Variants in VPS54 observed in about 807,000 individuals in gnomAD.
The protein encoded by VPS54 is vacuolar protein sorting-associated protein 54.
In VPS54, 45 loss-of-function variants were observed where a neutral mutation model predicts 121.5. The observed-to-expected ratio is 0.37, with a 90% CI of 0.29 to 0.47. The LOEUF (loss-of-function observed/expected upper bound fraction) is 0.47. VPS54 is among the 20% of genes least tolerant of loss of function. VPS54 has a pLI of 0.99. For missense variants in VPS54, 1,090 were observed against 1,131.4 expected (o/e 0.96, Z 0.52); for synonymous variants, 371 against 385.8 (o/e 0.96, Z 0.45).
At chr2:63,988,738 T>C (rs1677171980) in intron 1 of VPS54, among the ~76,000 whole-genome samples, 1 of 152,168 alleles carries the variant, frequency 6.6e-6, no homozygotes, top group Non-Finnish European at 1.5e-5. Context: ...CTGTGATGAT[T>C]GCGTTAACTG....
At chr2:63,900,666 C>G (rs1284271956) in intron 20 of VPS54, among the ~76,000 whole-genome samples, 1 of 152,192 alleles carries the variant, frequency 6.6e-6, no homozygotes, top group African/African-American at 2.4e-5. Flanking sequence ...TCCCGAGCTG[C>G]CCACCTGAGG....
rs373745700 is a variant in VPS54, at chr2:64,005,199, G to C, written c.-21+13739C>G. On this transcript the variant is annotated intron_variant, in intron 1 of 22. Transcript: ENST00000272322. ...GCTCACTGCAAGCTCCGCCTCCCAG[G>C]TTCACGCCATTCTCCTGCCTCAGCC... is the stretch of plus-strand genomic sequence containing the variant. Among the ~76,000 whole-genome samples, 1,251 of 134,836 alleles carry C rather than the reference G, an allele frequency of 9.3e-3. 30 individuals carry two copies. The highest frequency in any genetic ancestry group is 0.034 in the African/African-American group (1,208 of 35,458). 88.5% of individuals were successfully genotyped at this position (134,836 alleles called of 152,430 possible).
At chr2:63,913,424 G>A (rs1673239661) in intron 17 of VPS54, 114 bp from the exon 18 acceptor site, 1 of 617,122 alleles carries the variant, frequency 1.6e-6, no homozygotes, top group African/African-American at 1.9e-5. Context: ...ATGGCCAAAT[G>A]AATTATCTAG....
At position 63,972,171 on chromosome 2, in the gene VPS54, G is replaced by C; in HGVS notation, c.452C>G (p.Thr151Ser). The change falls in exon 4 of 23, where the codon ACT (threonine) becomes AGT (serine). Residue 151 changes from threonine to serine, a missense_variant. Transcript: ENST00000272322. ...TAAATAACACATATTCATACCATGA[G>C]TATGTAAAAGAGTCCTTTCGAAGGT... ...KDTFERTLLHTHDKSRTDLEQ... is the reference protein window; with the variant it reads ...KDTFERTLLHSHDKSRTDLEQ... The C allele has an allele frequency of 6.4e-7, 1 of 1,564,884 alleles. No homozygotes were observed. Among genetic ancestry groups the C allele is most frequent in the Non-Finnish European group, 8.7e-7 (1 of 1,144,972 alleles).
chr2:63,929,262 G>A (rs185658637), intron 12 of VPS54, among the ~76,000 whole-genome samples: 114 of 152,126 alleles, frequency 7.5e-4, no homozygotes, highest in African/African-American at 2.3e-3. Context: ...CACATAACTC[G>A]AACTAAAGCA....
intron 1 of VPS54, among the ~76,000 whole-genome samples, chr2:63,990,097 A>G (rs1350172757): frequency 1.3e-5 from 2 of 151,874 alleles, no homozygotes; most frequent in African/African-American, 4.8e-5. Flanking sequence ...CAATCCCGTG[A>G]CCCCCTACAG....
chr2:63,985,438 T>C (rs1200526042), intron 1 of VPS54, among the ~76,000 whole-genome samples: 1 of 152,146 alleles, frequency 6.6e-6, no homozygotes, highest in Non-Finnish European at 1.5e-5. Context: ...TATGTATCTG[T>C]CTCAGTACTT....
chr2:63,982,162 T>A (rs906724449), intron 2 of VPS54, among the ~76,000 whole-genome samples: 1 of 152,062 alleles, frequency 6.6e-6, no homozygotes, highest in African/African-American at 2.4e-5. Context: ...AAGTCTTTCA[T>A]GAACTCCTTT....
At chr2:63,925,834 A>C (rs879300182) in intron 12 of VPS54, among the ~76,000 whole-genome samples, 2 of 152,248 alleles carry the variant, frequency 1.3e-5, no homozygotes, top group Non-Finnish European at 2.9e-5. Context: ...GTAGTATTAC[A>C]GCAGCAAGAG....
chr2:63,910,176 G>T (rs1483374392), intron 20 of VPS54, among the ~76,000 whole-genome samples: 2 of 152,120 alleles, frequency 1.3e-5, no homozygotes, highest in African/African-American at 4.8e-5. Flanking sequence ...TAAAAACAGG[G>T]TCAAACTCCT....
At chr2:63,990,165 G>A (rs879529325) in intron 1 of VPS54, among the ~76,000 whole-genome samples, 7 of 151,922 alleles carry the variant, frequency 4.6e-5, no homozygotes, top group Non-Finnish European at 8.8e-5. Context: ...TTCCTCTCCC[G>A]CATGGACTTC....
intron 3 of VPS54, among the ~76,000 whole-genome samples, 159 bp from the exon 4 acceptor site, chr2:63,972,403 G>A (rs186645623): frequency 1.3e-5 from 2 of 152,108 alleles, no homozygotes; most frequent in African/African-American, 2.4e-5. Context: ...GTAACAAGCG[G>A]TTAATAAACC....
At chr2:63,997,818 A>G (rs1677672733) in intron 1 of VPS54, among the ~76,000 whole-genome samples, 1 of 151,374 alleles carries the variant, frequency 6.6e-6, no homozygotes, top group Non-Finnish European at 1.5e-5. Context: ...CTTCTTTTTG[A>G]TGTAGGCACT....
At chr2:64,016,447 C>G (rs1397567243) in intron 1 of VPS54, among the ~76,000 whole-genome samples, 1 of 151,968 alleles carries the variant, frequency 6.6e-6, no homozygotes, top group Non-Finnish European at 1.5e-5. Context: ...AATATTGAGA[C>G]AGAAAGTAGA....
At position 63,920,512 on chromosome 2, in the gene VPS54, C is replaced by T; in HGVS notation, c.1985G>A (p.Gly662Glu). ...ICGRKSTSLL[G>E]ALQSQAIKFV... ...CTTAATAGCTTGGCTCTGAAGTGCT[C>T]CAAGTAATGACGTGCTTTTTCTTCC... Residue 662 changes from glycine to glutamate, a missense_variant, in exon 14 of 23, where the codon GGA (glycine) becomes GAA (glutamate). By Grantham distance (98) the Gly-to-Glu change is moderately conservative. Coordinates refer to ENST00000272322, the MANE Select transcript of VPS54 (RefSeq NM_016516.3). The T allele has an allele frequency of 6.3e-7, 1 of 1,588,224 alleles. No homozygotes were observed. The highest frequency in any genetic ancestry group is 8.6e-7 in the Non-Finnish European group (1 of 1,167,688).
intron 11 of VPS54, among the ~76,000 whole-genome samples, chr2:63,941,964 G>A (rs773476191): frequency 1.4e-4 from 21 of 150,414 alleles, no homozygotes; most frequent in Non-Finnish European, 2.7e-4. Context: ...AACCCGGGAG[G>A]GAGAAGTTGC....
intron 10 of VPS54, among the ~76,000 whole-genome samples, chr2:63,944,313 T>TA (rs1375471607): frequency 6.6e-6 from 1 of 151,950 alleles, no homozygotes; most frequent in Non-Finnish European, 1.5e-5. Context: ...TAAAGGTACC[T>TA]ACTCCTCTAG....
At chr2:63,960,646 T>C (rs1675714142) in intron 7 of VPS54, among the ~76,000 whole-genome samples, 1 of 152,216 alleles carries the variant, frequency 6.6e-6, no homozygotes, top group Non-Finnish European at 1.5e-5. Flanking sequence ...CATGATATTA[T>C]ACAGTAAGTG....
intron 1 of VPS54, among the ~76,000 whole-genome samples, chr2:63,990,434 G>A (rs1214461393): frequency 6.6e-6 from 1 of 151,968 alleles, no homozygotes; most frequent in Non-Finnish European, 1.5e-5. Flanking sequence ...TAATTCTTCA[G>A]GCCCTACCCC....
Sources: gnomAD v4.1 joint callset for allele counts (sites outside exome capture counted in the v4.1 genomes callset) on GRCh38, gnomAD v4.1.1 for gene constraint, MANE v1.5 for transcripts, NCBI Gene and HGNC (gene_info 2026-07-23, HGNC 2026-07-21) for gene names.